The following WDPCP variants were observed in gnomAD, a reference collection of about 807,000 sequenced individuals.
WDPCP encodes the protein WD repeat-containing and planar cell polarity effector protein fritz homolog.
Under a neutral mutation model 93.1 loss-of-function variants are expected in WDPCP, and 71 were observed. The observed-to-expected ratio is 0.76, with a 90% CI of 0.63 to 0.93. The LOEUF is 0.93. Among genes scored for constraint, WDPCP ranks in the 40% least tolerant of loss-of-function variants. The pLI is 0.00. For synonymous variants in WDPCP, 315 were observed against 315.0 expected, an observed-to-expected ratio of 1.00 and a Z score of 0.00; for missense variants, 844 against 887.4, an observed-to-expected ratio of 0.95 and a Z score of 0.62.
chr2:63,121,676 C>T lies in WDPCP; in HGVS notation c.*330G>A, dbSNP rs1669558485. ...TGAGCACTATGCCTGCCCCCTACTG[C>T]CCCTTTTTTAAAGTACCTGGGAGAA... On this transcript the variant is annotated 3_prime_UTR_variant, in exon 18 of 18. Transcript: ENST00000272321. 3.0e-6 allele frequency: 1 copy of T among 336,730 alleles called. No individual in the cohort carries two copies. The highest frequency in any genetic ancestry group is 5.0e-6 in the Non-Finnish European group (1 of 199,476). 20.9% of individuals were successfully genotyped at this position (336,730 alleles called of 1,614,324 possible).
chr2:63,307,542 T>C (rs1685837390), intron 13 of WDPCP, among the ~76,000 whole-genome samples: 1 of 152,016 alleles, frequency 6.6e-6, no homozygotes, highest in Non-Finnish European at 1.5e-5. Flanking sequence ...CAAAAACAGA[T>C]ATATAGGCAA....
Position 63,398,011 on chromosome 2 carries a change from G to A in WDPCP, c.1435+6037C>T, listed in dbSNP as rs1049486586. On this transcript the variant is annotated intron_variant, in intron 10 of 17. Coordinates refer to ENST00000272321, the MANE Select transcript of WDPCP (RefSeq NM_015910.7). ...GGGCCGGGGAGGGTGACAAAGTAAA[G>A]GTGTCAAAGGGAATGTTATGGGATC... is the stretch of plus-strand genomic sequence containing the variant. Among the ~76,000 whole-genome samples, 6 of 152,146 alleles carry A rather than the reference G, an allele frequency of 3.9e-5. No homozygotes were observed. The East Asian group carries it at 9.6e-4, about 24-fold the overall frequency.
Position 63,412,827 on chromosome 2 carries a change from A to T in WDPCP, c.826-8170T>A, listed in dbSNP as rs1449173849. Among the ~76,000 whole-genome samples, 10 of 152,148 alleles carry T rather than the reference A, an allele frequency of 6.6e-5. No homozygotes were observed. The East Asian group carries it at 1.2e-3, about 18-fold the overall frequency. On this transcript the variant is annotated intron_variant, in intron 9 of 17. Coordinates refer to ENST00000272321, the MANE Select transcript of WDPCP (RefSeq NM_015910.7). ...ATATACCTAACCAAGGAGTCGAAAG[A>T]TCTCTACGAGGAAAATTATAAAACA...
chr2:63,769,297 C>T (rs1670191043), intron 2 of WDPCP, among the ~76,000 whole-genome samples: 1 of 151,830 alleles, frequency 6.6e-6, no homozygotes, highest in South Asian at 2.1e-4. Context: ...AAAAGAAGCT[C>T]AGAACCATGA....
chr2:63,622,987 C>T (rs1051971060), intron 3 of WDPCP, among the ~76,000 whole-genome samples: 2 of 152,338 alleles, frequency 1.3e-5, no homozygotes, highest in African/African-American at 2.4e-5. Flanking sequence ...CTGCTGCCGC[C>T]GCCATGAGTT....
intron 2 of WDPCP, among the ~76,000 whole-genome samples, chr2:63,663,555 A>AGATAT (rs1048846441): frequency 1.3e-5 from 2 of 152,208 alleles, no homozygotes; most frequent in African/African-American, 4.8e-5. Context: ...ATTATAGATG[A>AGATAT]GATATGATCA....
At chr2:63,317,630 A>C (rs1169697991) in intron 12 of WDPCP, among the ~76,000 whole-genome samples, 3 of 152,170 alleles carry the variant, frequency 2.0e-5, no homozygotes, top group Non-Finnish European at 2.9e-5. Flanking sequence ...CAACCATCTG[A>C]TCTTTGACAA....
At chr2:63,516,521 AGCCAGCCACTGTG>A in intron 1 of WDPCP, among the ~76,000 whole-genome samples, 1 of 152,154 alleles carries the variant, frequency 6.6e-6, no homozygotes, top group East Asian at 1.9e-4. Context: ...TGAGAGGGGT[AGCCAGCCACTGTG>A]TTGTGGACAC....
intron 12 of WDPCP, among the ~76,000 whole-genome samples, chr2:63,366,130 T>G (rs79351469): frequency 0.015 from 2,353 of 152,242 alleles, 61 homozygotes; most frequent in African/African-American, 0.054. Context: ...ATGACTCTCT[T>G]ACTAGTTTGA....
chr2:63,378,445 T>C lies in WDPCP; in HGVS notation c.1689A>G (p.Ile563Met). Residue 563 changes from isoleucine (I) to methionine (M), a missense_variant, in exon 12 of 18, where the codon ATA becomes ATG. Physicochemically the swap from Ile to Met is conservative, Grantham distance 10. Transcript: ENST00000272321. ...TGCTGATTTGATCTCTATATTCCAATATAGTGGAATCCAGAAGTGGTCTTG... is the reference window on the plus strand; with the variant it reads ...TGCTGATTTGATCTCTATATTCCAACATAGTGGAATCCAGAAGTGGTCTTG... ...APTRPLLDST[I>M]LEYRDQISKY... is the part of the protein sequence containing the mutation. 1.2e-6 allele frequency: 2 copies of C among 1,613,274 alleles called. No individual in the cohort carries two copies. The highest frequency in any genetic ancestry group is 1.7e-6 in the Non-Finnish European group (2 of 1,179,454).
chr2:63,549,018 G>A (rs1367711756), intron 1 of WDPCP, among the ~76,000 whole-genome samples: 3 of 152,152 alleles, frequency 2.0e-5, no homozygotes, highest in South Asian at 2.1e-4. Flanking sequence ...GGAGGCAGAG[G>A]TGGGTGGATC....
At chr2:63,367,074 A>G (rs1292175573) in intron 12 of WDPCP, among the ~76,000 whole-genome samples, 3 of 151,170 alleles carry the variant, frequency 2.0e-5, no homozygotes, top group Non-Finnish European at 4.4e-5. Context: ...ATTTATATAT[A>G]TGAAATATAT....
intron 1 of WDPCP, among the ~76,000 whole-genome samples, chr2:63,825,494 G>C (rs765693504): frequency 6.6e-6 from 1 of 151,988 alleles, no homozygotes; most frequent in African/African-American, 2.4e-5. Flanking sequence ...AAGAGTTCTA[G>C]GGATCAGCTG....
At chr2:63,346,517 A>G (rs116324050) in intron 12 of WDPCP, among the ~76,000 whole-genome samples, 282 of 152,330 alleles carry the variant, frequency 1.9e-3, no homozygotes, top group African/African-American at 6.3e-3. Flanking sequence ...TGCACAGAAC[A>G]TATAATTCCC....
At chr2:63,589,967 G>A (rs1008422520), upstream of WDPCP, 2 of 154,330 alleles carry the variant, frequency 1.3e-5, no homozygotes, top group African/African-American at 4.8e-5. Flanking sequence ...GGAGAATGTG[G>A]AGAAATGTTT....
chr2:63,548,874 AAC>A (rs1375857702), intron 1 of WDPCP, among the ~76,000 whole-genome samples: 1 of 152,182 alleles, frequency 6.6e-6, no homozygotes, highest in African/African-American at 2.4e-5. Flanking sequence ...AGAATCAGGA[AAC>A]ACACTTCTAA....
At chr2:63,565,046 G>A (rs1381660116) in intron 1 of WDPCP, among the ~76,000 whole-genome samples, 1 of 152,140 alleles carries the variant, frequency 6.6e-6, no homozygotes, top group African/African-American at 2.4e-5. Context: ...AAGGTGCTGG[G>A]ATTACAGGCG....
At chr2:63,440,661 T>C (rs1408120970) in intron 6 of WDPCP, 1 of 152,604 alleles carries the variant, frequency 6.6e-6, no homozygotes, top group Non-Finnish European at 1.5e-5. Context: ...ATGCGTATGC[T>C]TGTTATCTAT....
chr2:63,401,327 T>A (rs779779140), intron 10 of WDPCP, among the ~76,000 whole-genome samples: 17 of 151,994 alleles, frequency 1.1e-4, no homozygotes, highest in Non-Finnish European at 2.4e-4. Context: ...CATCAAAAAG[T>A]GGGCAAAGGA....
Sources: allele counts gnomAD v4.1 joint callset (sites outside exome capture counted in the v4.1 genomes callset), GRCh38; gene constraint gnomAD v4.1.1; transcripts MANE v1.5; gene names NCBI Gene and HGNC (gene_info 2026-07-23, HGNC 2026-07-21).